Variants in MAP1LC3A observed in about 807,000 individuals in gnomAD.
The protein encoded by MAP1LC3A is microtubule-associated protein 1 light chain 3 alpha.
A neutral mutation model predicts 15.2 loss-of-function variants in MAP1LC3A; 10 were observed. The ratio of observed to expected loss-of-function variants is 0.66; its 90% CI spans 0.41 to 1.12. The LOEUF is 1.12. MAP1LC3A is among the 50% of genes most tolerant of loss of function. The probability of loss-of-function intolerance (pLI) is 0.00; values close to 1 mark genes in which losing one functional copy is unlikely to be tolerated. For missense variants in MAP1LC3A, 138 were observed against 167.3 expected (o/e 0.82, Z 0.97); for synonymous variants, 63 against 64.3 (o/e 0.98, Z 0.10).
intron 2 of MAP1LC3A, among the ~76,000 whole-genome samples, chr20:34,553,139 A>G (rs897101643): frequency 6.6e-6 from 1 of 152,168 alleles, no homozygotes; most frequent in Non-Finnish European, 1.5e-5. Flanking sequence ...CGGTACGCCA[A>G]TATTGTGCCG....
Position 34,560,103 on chromosome 20 carries a change from G to T in MAP1LC3A, c.*205G>T. 1 of 493,410 alleles carries T rather than the reference G, an allele frequency of 2.0e-6. No homozygotes were observed. The highest frequency in any genetic ancestry group is 2.0e-5 in the African/African-American group (1 of 49,898). The allele number at this position is 493,410 out of a possible 1,614,324, so 30.6% of individuals were successfully genotyped here. ...GTTAGGGTTGTCCCTCTGGGTGCTG[G>T]CTGGTGGGATGGGGGAGGGTGGGGA... On this transcript the variant is annotated 3_prime_UTR_variant, in exon 4 of 4. Coordinates refer to ENST00000360668, the MANE Select transcript of MAP1LC3A (RefSeq NM_032514.4).
At chr20:34,550,674 C>T (rs1469851664) in intron 2 of MAP1LC3A, among the ~76,000 whole-genome samples, 1 of 152,220 alleles carries the variant, frequency 6.6e-6, no homozygotes, top group Non-Finnish European at 1.5e-5. Flanking sequence ...TCCCGCACAT[C>T]GCTGATGGGA....
chr20:34,560,012 G>C lies in MAP1LC3A; in HGVS notation c.*114G>C, dbSNP rs981066055. On this transcript the variant is annotated 3_prime_UTR_variant, in exon 4 of 4. Transcript: ENST00000360668. ...CTACCGTGGTGGGCTGGGCAGGCATGTGCCCCCCTAGTCAGAGGGCACCAA... is the reference window on the plus strand; with the variant it reads ...CTACCGTGGTGGGCTGGGCAGGCATCTGCCCCCCTAGTCAGAGGGCACCAA... The C allele has an allele frequency of 8.6e-7, 1 of 1,169,180 alleles. No homozygotes were observed. The highest frequency in any genetic ancestry group is 1.2e-6 in the Non-Finnish European group (1 of 839,610). 72.4% of individuals were successfully genotyped at this position (1,169,180 alleles called of 1,614,324 possible).
chr20:34,551,342 G>A (rs899869863), intron 2 of MAP1LC3A, among the ~76,000 whole-genome samples: 1 of 152,026 alleles, frequency 6.6e-6, no homozygotes, highest in African/African-American at 2.4e-5. Context: ...CATGCCGTAT[G>A]ATTCCATCTA....
chr20:34,558,831 C>A lies in MAP1LC3A; in HGVS notation c.-38C>A, dbSNP rs1982273680. 1.4e-6 allele frequency: 2 copies of A among 1,428,168 alleles called. No individual in the cohort carries two copies. Among genetic ancestry groups the A allele is most frequent in the Non-Finnish European group, 1.8e-6 (2 of 1,097,698 alleles). 88.5% of individuals were successfully genotyped at this position (1,428,168 alleles called of 1,614,324 possible). On this transcript the variant is annotated 5_prime_UTR_variant, in exon 1 of 4. Transcript: ENST00000360668. The surrounding 1 kb of genome is among the most constrained non-coding windows in gnomAD (Gnocchi z 4.3). The stretch of plus-strand genomic sequence containing the variant: ...CAAACCGCAGACACATCCCCGCGCC[C>A]CAGAGCCCCGGCCTGCGCGCCCAGC...
chr20:34,552,650 G>A (rs1309467927), intron 2 of MAP1LC3A, among the ~76,000 whole-genome samples: 2 of 152,282 alleles, frequency 1.3e-5, no homozygotes, highest in Non-Finnish European at 2.9e-5. Context: ...CAGGACAGCT[G>A]TGGTCACTGT....
At chr20:34,551,467 C>CTTTTTT (rs58191574) in intron 2 of MAP1LC3A, among the ~76,000 whole-genome samples, 6 of 104,806 alleles carry the variant, frequency 5.7e-5, no homozygotes, top group East Asian at 3.0e-4. Flanking sequence ...GAACGCTGTC[C>CTTTTTT]TTTTTTTTTT....
chr20:34,549,448 C>T (rs988858705), intron 1 of MAP1LC3A, among the ~76,000 whole-genome samples: 1 of 152,198 alleles, frequency 6.6e-6, no homozygotes, highest in Non-Finnish European at 1.5e-5. Context: ...TCACCTTAAA[C>T]GAGGCGCCAA....
chr20:34,547,332 G>A (rs1202750373), intron 1 of MAP1LC3A, among the ~76,000 whole-genome samples: 2 of 151,872 alleles, frequency 1.3e-5, no homozygotes, highest in South Asian at 4.2e-4. Flanking sequence ...TCTGTGCTGG[G>A]TGAGGAAGGG....
Position 34,552,986 on chromosome 20 carries a change from C to T in MAP1LC3A, c.52+2957C>T, listed in dbSNP as rs141609464. 9.2e-3 allele frequency among the ~76,000 whole-genome samples: 1,400 copies of T among 152,154 alleles called. 9 individuals carry two copies. The highest frequency in any genetic ancestry group is 0.015 in the Non-Finnish European group (1,002 of 68,004). On this transcript the variant is annotated intron_variant, in intron 2 of 4. Transcript: ENST00000374837. ...GGTGGATCGCCTGAGGCCAGGAGTT[C>T]GAGACCAGCCTGGCCAACATGGTGA...
At position 34,559,198 on chromosome 20, in the gene MAP1LC3A, C is replaced by G; in HGVS notation, c.41-10C>G. 6.3e-7 allele frequency: 1 copy of G among 1,584,782 alleles called. No individual in the cohort carries two copies. Among genetic ancestry groups the G allele is most frequent in the Non-Finnish European group, 8.6e-7 (1 of 1,167,660 alleles). On this transcript the variant is annotated splice_polypyrimidine_tract_variant and intron_variant, in intron 1 of 3. Coordinates refer to ENST00000360668, the MANE Select transcript of MAP1LC3A (RefSeq NM_032514.4). ...CCGACCCGGCCTCACGGTCTGGCCG[C>G]TGTCCGCAGCCGACCGCTGTAAGGA... is the stretch of plus-strand genomic sequence containing the variant.
intron 2 of MAP1LC3A, chr20:34,550,079 C>A (rs1229447195): frequency 6.4e-7 from 1 of 1,572,274 alleles, no homozygotes; most frequent in Admixed American, 1.7e-5. Context: ...GGCCTATGGT[C>A]TGTCCACACT....
chr20:34,558,847 C>T lies in MAP1LC3A; in HGVS notation c.-22C>T. Reference sequence around the variant, plus strand: ...CCCCGCGCCCCAGAGCCCCGGCCTGCGCGCCCAGCCGGGCCCGCGCGATGC... The same window carrying T: ...CCCCGCGCCCCAGAGCCCCGGCCTGTGCGCCCAGCCGGGCCCGCGCGATGC... On this transcript the variant is annotated 5_prime_UTR_variant, in exon 1 of 4. Coordinates refer to ENST00000360668, the MANE Select transcript of MAP1LC3A (RefSeq NM_032514.4). The surrounding 1 kb of genome is among the most constrained non-coding windows in gnomAD (Gnocchi z 4.3). The T allele has an allele frequency of 2.1e-6, 3 of 1,433,606 alleles. No individual in the cohort carries two copies. Among genetic ancestry groups the T allele is most frequent in the Non-Finnish European group, 9.1e-7 (1 of 1,099,942 alleles). 88.8% of individuals were successfully genotyped at this position (1,433,606 alleles called of 1,614,324 possible). A position where few individuals can be genotyped will look rare whatever the true frequency, so the allele number is the denominator to read the frequency against.
chr20:34,554,626 C>A (rs1982081875), upstream of MAP1LC3A, among the ~76,000 whole-genome samples: 2 of 151,638 alleles, frequency 1.3e-5, no homozygotes, highest in East Asian at 1.9e-4. Context: ...CCTGCCTTGG[C>A]CGCCCAAAGT....
At chr20:34,558,028 C>G (rs1040747), upstream of MAP1LC3A, 329,621 of 973,260 alleles carry the variant, frequency 0.34, 56,610 homozygotes, top group Admixed American at 0.54. This position sits in a 1 kb window ranked among gnomAD's most constrained non-coding sequence, Gnocchi z 4.3. Flanking sequence ...ACTGTCTCTG[C>G]AGGTCTTTCA....
At position 34,558,793 on chromosome 20, in the gene MAP1LC3A, C is replaced by T. The variant is rs901695932; in HGVS notation, c.-76C>T. 5.9e-6 allele frequency: 8 copies of T among 1,357,794 alleles called. No homozygotes were observed. The African/African-American group carries it at 6.2e-5, about 10-fold the overall frequency. 84.1% of individuals were successfully genotyped at this position (1,357,794 alleles called of 1,614,324 possible). On this transcript the variant is annotated 5_prime_UTR_variant, in exon 1 of 4. Coordinates refer to ENST00000360668, the MANE Select transcript of MAP1LC3A (RefSeq NM_032514.4). The surrounding 1 kb of genome is among the most constrained non-coding windows in gnomAD (Gnocchi z 4.3). ...GAGCCCTTGAGCGCGAGGCGCGGAGCCCCCGGAGCCCCCAAACCGCAGACA... is the reference window on the plus strand; with the variant it reads ...GAGCCCTTGAGCGCGAGGCGCGGAGTCCCCGGAGCCCCCAAACCGCAGACA...
chr20:34,554,354 G>GTTTTTTTTTTT (rs537779341), upstream of MAP1LC3A, among the ~76,000 whole-genome samples: 8 of 106,166 alleles, frequency 7.5e-5, no homozygotes, highest in African/African-American at 2.0e-4. Flanking sequence ...TATACGTTGG[G>GTTTTTTTTTTT]TTTTTTTTTT....
At chr20:34,557,378 T>C (rs1982198496), upstream of MAP1LC3A, among the ~76,000 whole-genome samples, 1 of 152,212 alleles carries the variant, frequency 6.6e-6, no homozygotes, top group Admixed American at 6.5e-5. Flanking sequence ...CTTAAATATC[T>C]GAAATACACA....
In MAP1LC3A at chr20:34,559,897, G is replaced by A. The variant is rs1982374224; in HGVS notation, c.365G>A (p.Ter122=). 3 of 1,609,790 alleles carry A rather than the reference G, an allele frequency of 1.9e-6. No homozygotes were observed. Among genetic ancestry groups the A allele is most frequent in the Admixed American group, 1.7e-5 (1 of 59,196 alleles). The change falls in exon 4 of 4, where the codon TGA becomes TAA. Residue 122 remains the stop codon, a stop_retained_variant. Coordinates refer to ENST00000360668, the MANE Select transcript of MAP1LC3A (RefSeq NM_032514.4). Reference sequence around the variant, plus strand: ...GCCTCCCAGGAAACCTTCGGCTTCTGAGCCAGCAGTAGGGGGGCTCGGCCT... The same window carrying A: ...GCCTCCCAGGAAACCTTCGGCTTCTAAGCCAGCAGTAGGGGGGCTCGGCCT... ...VYASQETFGF[*] is the part of the protein sequence containing the mutation.
Sources: gnomAD v4.1 joint callset for allele counts (sites outside exome capture counted in the v4.1 genomes callset) on GRCh38, gnomAD v4.1.1 for gene constraint, Gnocchi (gnomAD v3.1) non-coding constraint, MANE v1.5 for transcripts, NCBI Gene and HGNC (gene_info 2026-07-23, HGNC 2026-07-21) for gene names.